Variants in KDM4C observed in about 807,000 individuals in gnomAD.
The protein encoded by KDM4C is lysine-specific demethylase 4C.
KDM4C carries 81 observed loss-of-function variants against 129.3 expected under a neutral mutation model. That is an observed-to-expected ratio of 0.63 (90% confidence interval 0.52 to 0.75). The LOEUF is 0.75. Ranked by LOEUF, KDM4C falls within the 30% of genes least tolerant of loss-of-function variation. The pLI is 0.00. For synonymous variants in KDM4C, 573 were observed against 456.1 expected (o/e 1.26, Z -3.26); for missense variants, 1,457 against 1,304.0 (o/e 1.12, Z -1.81).
At chr9:6,734,910 G>A (rs185387747) in intron 1 of KDM4C, 256 of 572,970 alleles carry the variant, frequency 4.5e-4, no homozygotes, top group South Asian at 1.1e-3. Flanking sequence ...TCCCCAGTCT[G>A]TGCTAAGTCT....
At chr9:6,797,997 C>G (rs913831077) in intron 2 of KDM4C, among the ~76,000 whole-genome samples, 16 of 152,116 alleles carry the variant, frequency 1.1e-4, no homozygotes, top group Non-Finnish European at 2.1e-4. Flanking sequence ...TTTTAAAGAT[C>G]TCAGTATGTT....
At chr9:6,761,190 G>A (rs1194558807) in intron 1 of KDM4C, among the ~76,000 whole-genome samples, 1 of 151,564 alleles carries the variant, frequency 6.6e-6, no homozygotes, top group African/African-American at 2.4e-5. Context: ...TTGTATTTTT[G>A]TAGAGACAGG....
At chr9:6,732,808 T>C (rs1352314352) in intron 1 of KDM4C, among the ~76,000 whole-genome samples, 1 of 151,606 alleles carries the variant, frequency 6.6e-6, no homozygotes, top group Non-Finnish European at 1.5e-5. Flanking sequence ...AGGTCAGGAG[T>C]TCGAGACCAG....
rs80247898 is a variant in KDM4C at position 7,073,331 on chromosome 9, C to T, written c.2424+24131C>T. ...TTAAATGAGATATATGCGATGTTAG[C>T]ACAATGGTTGGCACTGAGTAAGTTT... On this transcript the variant is annotated intron_variant, in intron 17 of 21. Coordinates refer to ENST00000381309, the MANE Select transcript of KDM4C (RefSeq NM_015061.6). Among the ~76,000 whole-genome samples the T allele has an allele frequency of 3.5e-3, 536 of 152,294 alleles. 4 individuals are homozygous for T. Among genetic ancestry groups the T allele is most frequent in the African/African-American group, 0.012 (496 of 41,544 alleles).
rs558748113 is a variant in KDM4C at position 6,750,035 on chromosome 9, A to G, written c.49+29038A>G. ...AAAAGAGTAACCTAAAGCCAGAGGA[A>G]AATGTACTTGCTGTGGTGTAGGCCA... On this transcript the variant is annotated intron_variant, in intron 1 of 17. Transcript: ENST00000536108. Among the ~76,000 whole-genome samples the G allele has an allele frequency of 9.9e-5, 15 of 151,878 alleles. No homozygotes were observed. The East Asian group carries it at 2.1e-3, about 22-fold the overall frequency.
intron 18 of KDM4C, among the ~76,000 whole-genome samples, chr9:7,122,261 A>ACTCTCTGT (rs747083483): frequency 7.3e-6 from 1 of 137,134 alleles, no homozygotes; most frequent in Non-Finnish European, 1.6e-5. Flanking sequence ...ACACACACAC[A>ACTCTCTGT]CACACTCTCT....
chr9:7,029,674 G>A (rs1272312685), intron 15 of KDM4C, among the ~76,000 whole-genome samples: 1 of 152,184 alleles, frequency 6.6e-6, no homozygotes, highest in Non-Finnish European at 1.5e-5. Flanking sequence ...TTTGGTAGAT[G>A]TTTCTCTCCA....
intron 17 of KDM4C, among the ~76,000 whole-genome samples, chr9:7,094,101 A>G (rs1223119296): frequency 2.0e-5 from 3 of 152,238 alleles, no homozygotes; most frequent in Non-Finnish European, 2.9e-5. Context: ...TATCCAGTGA[A>G]GCAACTAAGC....
rs144692052 is a variant in KDM4C, at chr9:6,875,912, A to G, written c.630-4100A>G. The stretch of plus-strand genomic sequence containing the variant: ...CTAGCAGCACATCTATTATAAAGGA[A>G]AATTTTGGGACAGTAACCCAAATGA... On this transcript the variant is annotated intron_variant, in intron 5 of 21. Coordinates refer to ENST00000381309, the MANE Select transcript of KDM4C (RefSeq NM_015061.6). Among the ~76,000 whole-genome samples, 333 of 152,326 alleles carry G rather than the reference A, an allele frequency of 2.2e-3. 4 individuals are homozygous for G. The highest frequency in any genetic ancestry group is 0.016 in the Admixed American group (244 of 15,308).
intron 1 of KDM4C, among the ~76,000 whole-genome samples, chr9:6,728,487 T>A (rs1817216657): frequency 6.6e-6 from 1 of 151,598 alleles, no homozygotes; most frequent in African/African-American, 2.4e-5. Flanking sequence ...TGAACTGAGA[T>A]CACGCCACTG....
chr9:7,099,468 C>T (rs756485409), intron 17 of KDM4C, among the ~76,000 whole-genome samples: 1 of 152,202 alleles, frequency 6.6e-6, no homozygotes, highest in Non-Finnish European at 1.5e-5. Context: ...CAAGAAAGTA[C>T]AGTGCTCTAT....
At chr9:6,806,285 G>A (rs570448238) in intron 3 of KDM4C, among the ~76,000 whole-genome samples, 2 of 151,966 alleles carry the variant, frequency 1.3e-5, no homozygotes, top group African/African-American at 4.8e-5. Context: ...ACCTGAGGTC[G>A]GGAGTTCAAG....
chr9:6,951,407 G>T (rs968720101), intron 8 of KDM4C, among the ~76,000 whole-genome samples: 1 of 152,136 alleles, frequency 6.6e-6, no homozygotes, highest in Non-Finnish European at 1.5e-5. Context: ...TTCTAGTCAT[G>T]ATCTGATTAC....
intron 19 of KDM4C, among the ~76,000 whole-genome samples, chr9:7,131,457 G>T (rs1345044613): frequency 6.6e-6 from 1 of 152,104 alleles, no homozygotes; most frequent in African/African-American, 2.4e-5. Context: ...ATAAGGAATT[G>T]GCTCTGTGAT....
intron 15 of KDM4C, among the ~76,000 whole-genome samples, chr9:7,044,856 G>C (rs1829162374): frequency 6.6e-6 from 1 of 151,950 alleles, no homozygotes; most frequent in African/African-American, 2.4e-5. Flanking sequence ...GATAGTGAAA[G>C]AGAAGCCTGT....
At chr9:7,008,544 A>C (rs188575806) in intron 12 of KDM4C, among the ~76,000 whole-genome samples, 105 of 152,318 alleles carry the variant, frequency 6.9e-4, no homozygotes, top group Middle Eastern at 3.4e-3. Flanking sequence ...TGCCTGCCCT[A>C]GTGAACCCTG....
At chr9:6,998,162 C>A (rs1820106307) in intron 12 of KDM4C, among the ~76,000 whole-genome samples, 1 of 152,286 alleles carries the variant, frequency 6.6e-6, no homozygotes, top group South Asian at 2.1e-4. Context: ...ACACCCTGAT[C>A]CCTATCTCTG....
At chr9:7,014,830 A>AC (rs1823355607) in intron 14 of KDM4C, among the ~76,000 whole-genome samples, 1 of 151,926 alleles carries the variant, frequency 6.6e-6, no homozygotes, top group Non-Finnish European at 1.5e-5. Context: ...TTAATTAGAG[A>AC]CTACCTACTT....
intron 4 of KDM4C, among the ~76,000 whole-genome samples, chr9:6,832,439 T>C (rs570115187): frequency 1.1e-3 from 166 of 146,574 alleles, no homozygotes; most frequent in Non-Finnish European, 2.2e-3. Flanking sequence ...TTTTTTTTTT[T>C]TTTTGAGGTG....
Sources: allele counts gnomAD v4.1 joint callset (sites outside exome capture counted in the v4.1 genomes callset), GRCh38; gene constraint gnomAD v4.1.1; transcripts MANE v1.5; gene names NCBI Gene and HGNC (gene_info 2026-07-23, HGNC 2026-07-21).